Variants in GPR176 observed in about 807,000 individuals in gnomAD.
The protein encoded by GPR176 is G-protein coupled receptor 176.
A neutral mutation model predicts 35.4 loss-of-function variants in GPR176; 26 were observed. The observed-to-expected ratio is 0.74, with a 90% CI of 0.54 to 1.02. The LOEUF is 1.02. Ranked by LOEUF, GPR176 falls within the 50% of genes least tolerant of loss-of-function variation. The pLI is 0.00. For synonymous variants in GPR176, 278 were observed against 271.3 expected (o/e 1.02, Z -0.24); for missense variants, 597 against 665.3 (o/e 0.90, Z 1.13).
intron 1 of GPR176, among the ~76,000 whole-genome samples, chr15:39,826,416 G>T (rs930813330): frequency 6.6e-6 from 1 of 152,046 alleles, no homozygotes; most frequent in Non-Finnish European, 1.5e-5. Context: ...GGACCCCAGG[G>T]GTGCTTAAAA....
intron 1 of GPR176, among the ~76,000 whole-genome samples, chr15:39,811,360 T>C (rs1182690748): frequency 6.6e-6 from 1 of 152,112 alleles, no homozygotes; most frequent in East Asian, 1.9e-4. Context: ...ATTATTGATA[T>C]GGTTGTATTA....
chr15:39,827,501 G>A (rs1330410914), intron 1 of GPR176, among the ~76,000 whole-genome samples: 1 of 152,164 alleles, frequency 6.6e-6, no homozygotes, highest in Admixed American at 6.5e-5. Flanking sequence ...TAATGAAGGA[G>A]AGGGCATAAG....
At chr15:39,875,240 T>C (rs991023957) in intron 1 of GPR176, among the ~76,000 whole-genome samples, 2 of 152,142 alleles carry the variant, frequency 1.3e-5, no homozygotes, top group Non-Finnish European at 2.9e-5. Flanking sequence ...AATTCCTAAA[T>C]ATGGGAGCCA....
intron 1 of GPR176, among the ~76,000 whole-genome samples, chr15:39,833,805 G>A (rs189775186): frequency 2.0e-5 from 3 of 152,140 alleles, no homozygotes; most frequent in African/African-American, 4.8e-5. Flanking sequence ...CTGGGATTGC[G>A]GTCTCCCAAT....
At chr15:39,863,359 T>G (rs1361785937) in intron 1 of GPR176, among the ~76,000 whole-genome samples, 1 of 151,536 alleles carries the variant, frequency 6.6e-6, no homozygotes, top group Non-Finnish European at 1.5e-5. Context: ...AAAATAAAAA[T>G]TTTTAAAATA....
At chr15:39,813,708 A>G (rs1277520218) in intron 1 of GPR176, 1 of 152,112 alleles carries the variant, frequency 6.6e-6, no homozygotes, top group Non-Finnish European at 1.5e-5. Flanking sequence ...GATGTCTTTT[A>G]TCATCATTTT....
At chr15:39,905,450 A>C (rs970325027) in intron 1 of GPR176, among the ~76,000 whole-genome samples, 10 of 144,568 alleles carry the variant, frequency 6.9e-5, no homozygotes, top group African/African-American at 2.7e-4. Context: ...GTCTCTACAA[A>C]AAAAAAAAAA....
At chr15:39,860,677 G>A (rs2031531166) in intron 1 of GPR176, 1 of 152,190 alleles carries the variant, frequency 6.6e-6, no homozygotes. Flanking sequence ...CCCTAGTATG[G>A]ATAGGAGAAG....
At position 39,907,015 on chromosome 15, in the gene GPR176, G is replaced by T. The variant is rs1595522715; in HGVS notation, c.172+12840C>A. Among the ~76,000 whole-genome samples, 4 of 152,310 alleles carry T rather than the reference G, an allele frequency of 2.6e-5. No individual in the cohort carries two copies. The South Asian group carries it at 8.3e-4, about 32-fold the overall frequency. On this transcript the variant is annotated intron_variant, in intron 1 of 2. Transcript: ENST00000561100. ...AATTTCTGGAGTTATAACTGCTACA[G>T]AGGAAATAAACAGAGTGATGTGATA...
intron 1 of GPR176, among the ~76,000 whole-genome samples, chr15:39,822,198 G>A (rs1900319704): frequency 6.6e-6 from 1 of 152,190 alleles, no homozygotes; most frequent in African/African-American, 2.4e-5. Context: ...GCAACCTTAT[G>A]AGACACCTTG....
chr15:39,855,109 G>C (rs2031128200), intron 1 of GPR176, among the ~76,000 whole-genome samples: 1 of 151,022 alleles, frequency 6.6e-6, no homozygotes, highest in African/African-American at 2.4e-5. Flanking sequence ...TTGTCCCAAA[G>C]GGTCTTATTA....
Position 39,856,023 on chromosome 15 carries a change from A to C in GPR176, c.173-48765T>G, listed in dbSNP as rs559957264. On this transcript the variant is annotated intron_variant, in intron 1 of 2. Coordinates refer to ENST00000561100, the MANE Select transcript of GPR176 (RefSeq NM_007223.3). ...TTCAGAAAAATATATCACTTGACCA[A>C]TATCACCTAGCTAGTAAGTGAAGGA... is the stretch of plus-strand genomic sequence containing the variant. Among the ~76,000 whole-genome samples the C allele has an allele frequency of 9.8e-5, 15 of 152,324 alleles. 1 individual carries two copies. In the South Asian group the frequency reaches 2.9e-3, roughly 29 times the overall value.
At chr15:39,907,118 G>A (rs1280132147) in intron 1 of GPR176, among the ~76,000 whole-genome samples, 1 of 152,188 alleles carries the variant, frequency 6.6e-6, no homozygotes, top group African/African-American at 2.4e-5. Flanking sequence ...GCCATAAGAC[G>A]CATCTAGGAA....
chr15:39,846,214 AC>A (rs1379239437), intron 1 of GPR176, among the ~76,000 whole-genome samples: 1 of 152,212 alleles, frequency 6.6e-6, no homozygotes, highest in Non-Finnish European at 1.5e-5. Context: ...AGATGAAACC[AC>A]CTTTGCAAAG....
intron 1 of GPR176, among the ~76,000 whole-genome samples, chr15:39,892,345 TTAAG>T (rs972900593): frequency 6.9e-6 from 1 of 145,394 alleles, no homozygotes; most frequent in African/African-American, 2.7e-5. Context: ...TTACATTACA[TTAAG>T]TAATATGACC....
chr15:39,872,539 G>A (rs148558807), intron 1 of GPR176, among the ~76,000 whole-genome samples: 2 of 152,328 alleles, frequency 1.3e-5, no homozygotes, highest in East Asian at 3.9e-4. Flanking sequence ...GCTGCTGCTA[G>A]TGTGTGTGTA....
At chr15:39,846,929 A>G (rs2030471298) in intron 1 of GPR176, among the ~76,000 whole-genome samples, 1 of 152,190 alleles carries the variant, frequency 6.6e-6, no homozygotes, top group Non-Finnish European at 1.5e-5. Flanking sequence ...TTAATAAATG[A>G]AGCAAAAAAT....
chr15:39,821,626 A>C (rs1900278720), intron 1 of GPR176, among the ~76,000 whole-genome samples: 1 of 152,210 alleles, frequency 6.6e-6, no homozygotes, highest in African/African-American at 2.4e-5. Flanking sequence ...TTTTTCCAGT[A>C]AAGAACTCTG....
chr15:39,878,096 CTGTGTGTGTGTG>C (rs58251937), intron 1 of GPR176, among the ~76,000 whole-genome samples: 23 of 130,042 alleles, frequency 1.8e-4, no homozygotes, highest in African/African-American at 3.1e-4. Flanking sequence ...CCATAGTTAC[CTGTGTGTGTGTG>C]TGTGTGTGTG....
Sources: gnomAD v4.1 joint callset for allele counts (sites outside exome capture counted in the v4.1 genomes callset) on GRCh38, gnomAD v4.1.1 for gene constraint, MANE v1.5 for transcripts, NCBI Gene and HGNC (gene_info 2026-07-23, HGNC 2026-07-21) for gene names.